The following GPC1 variants were observed in gnomAD, a reference collection of about 807,000 sequenced individuals.
GPC1 encodes glypican-1.
GPC1 carries 26 observed loss-of-function variants against 51.5 expected under a neutral mutation model. The observed-to-expected ratio is 0.50, with a 90% CI of 0.37 to 0.70. The LOEUF is 0.70. Among genes scored for constraint, GPC1 ranks in the 30% least tolerant of loss-of-function variants. The pLI is 0.00. For missense variants in GPC1, 775 were observed against 800.5 expected (o/e 0.97, Z 0.38); for synonymous variants, 380 against 348.3 (o/e 1.09, Z -1.01).
At chr2:240,465,982 A>ACGT in intron 8 of GPC1, 76 bp from the exon 9 acceptor site, 1 of 569,658 alleles carries the variant, frequency 1.8e-6, no homozygotes, top group South Asian at 2.0e-5. Flanking sequence ...GTCACCTGGC[A>ACGT]CGGGCCCTTA....
intron 2 of GPC1, 50 bp from the exon 3 acceptor site, chr2:240,462,141 G>A (rs1321924705): frequency 2.0e-6 from 3 of 1,496,804 alleles, no homozygotes; most frequent in Non-Finnish European, 2.7e-6. Context: ...TGGTCCAGCT[G>A]CCACGGCGGG....
intron 1 of GPC1, among the ~76,000 whole-genome samples, chr2:240,446,658 C>T (rs1032593043): frequency 4.6e-5 from 7 of 152,224 alleles, no homozygotes; most frequent in African/African-American, 1.7e-4. Flanking sequence ...CTCGGCCTCC[C>T]ATGCTGCCTT....
intron 8 of GPC1, 116 bp downstream of exon 8, chr2:240,465,764 C>A: frequency 1.2e-6 from 1 of 856,054 alleles, no homozygotes; most frequent in Non-Finnish European, 1.8e-6. Flanking sequence ...GGCATCACCA[C>A]AGTGAGTCTG....
chr2:240,460,932 G>A (rs538810626), intron 2 of GPC1, among the ~76,000 whole-genome samples: 351 of 152,272 alleles, frequency 2.3e-3, no homozygotes, highest in Non-Finnish European at 4.5e-3. Flanking sequence ...GCGGTAGGAG[G>A]GGAGCCTGGC....
At chr2:240,465,736 C>T (rs2074256136) in intron 8 of GPC1, 88 bp downstream of exon 8, 4 of 1,103,850 alleles carry the variant, frequency 3.6e-6, no homozygotes, top group East Asian at 5.0e-5. Flanking sequence ...TTCCCCCACC[C>T]GAGGGGCCCT....
chr2:240,456,073 G>C (rs1010751133), intron 1 of GPC1: 2 of 368,576 alleles, frequency 5.4e-6, no homozygotes, highest in South Asian at 1.9e-5. Context: ...GACGGGGGCT[G>C]TGCTGGGGCA....
At chr2:240,458,878 TC>T (rs1417360751) in intron 1 of GPC1, 151 bp from the exon 2 acceptor site, 2 of 636,450 alleles carry the variant, frequency 3.1e-6, no homozygotes, top group Non-Finnish European at 5.5e-6. Context: ...CCCGACCACT[TC>T]TGCCTTCACC....
chr2:240,454,174 C>T (rs961461621), intron 1 of GPC1, among the ~76,000 whole-genome samples: 3 of 152,158 alleles, frequency 2.0e-5, no homozygotes, highest in Non-Finnish European at 4.4e-5. Context: ...CGTGGCCGGT[C>T]CACCTCGCAG....
intron 1 of GPC1, among the ~76,000 whole-genome samples, chr2:240,441,458 A>G (rs2074016355): frequency 6.6e-6 from 1 of 152,220 alleles, no homozygotes. Flanking sequence ...CAGTTATTTC[A>G]GATCAAGACT....
rs2074243249 is a variant in GPC1, at chr2:240,464,497, G to C, written c.884-119G>C. 3 of 1,361,884 alleles carry C rather than the reference G, an allele frequency of 2.2e-6. No homozygotes were observed. The African/African-American group carries it at 4.3e-5, about 19-fold the overall frequency. 84.4% of individuals were successfully genotyped at this position (1,361,884 alleles called of 1,614,324 possible). A position where few individuals can be genotyped will look rare whatever the true frequency, so the allele number is the denominator to read the frequency against. On this transcript the variant is annotated intron_variant, in intron 4 of 8. Coordinates refer to ENST00000264039, the MANE Select transcript of GPC1 (RefSeq NM_002081.3). ...TGAGTGCACACGTGGGATCTCCCAT[G>C]CTGACCCGTGCTGTCAAGACTGCAT...
At position 240,464,986 on chromosome 2, in the gene GPC1, C is replaced by G. The variant is rs1348073440; in HGVS notation, c.1134+11C>G. Reference sequence around the variant, plus strand: ...ACGCTGGAGAAGCTGGTGAGTGGCCCCTGCGTGTCCACTGGACCAGGCATG... The same window carrying G: ...ACGCTGGAGAAGCTGGTGAGTGGCCGCTGCGTGTCCACTGGACCAGGCATG... On this transcript the variant is annotated intron_variant, in intron 6 of 8. Coordinates refer to ENST00000264039, the MANE Select transcript of GPC1 (RefSeq NM_002081.3). 2.6e-6 allele frequency: 4 copies of G among 1,559,578 alleles called. No homozygotes were observed. The highest frequency in any genetic ancestry group is 3.5e-6 in the Non-Finnish European group (4 of 1,152,240).
At chr2:240,456,102 G>C in intron 1 of GPC1, 1 of 290,892 alleles carries the variant, frequency 3.4e-6, no homozygotes, top group South Asian at 2.6e-5. Flanking sequence ...AACGCAGGTC[G>C]CCGGGCCGGC....
intron 1 of GPC1, chr2:240,457,978 A>C: frequency 2.2e-6 from 1 of 463,882 alleles, no homozygotes; most frequent in Non-Finnish European, 4.5e-6. Flanking sequence ...TGCCTGACCT[A>C]GGCCAGCACC....
chr2:240,455,468 G>A (rs1041099366), intron 1 of GPC1, among the ~76,000 whole-genome samples: 10 of 152,308 alleles, frequency 6.6e-5, no homozygotes, highest in East Asian at 1.9e-4. Context: ...CTCCCTGCAC[G>A]GGGGGAAGGG....
chr2:240,445,885 C>T (rs115064808), intron 1 of GPC1, among the ~76,000 whole-genome samples: 1,928 of 152,306 alleles, frequency 0.013, 41 homozygotes, highest in African/African-American at 0.043. Context: ...CCCGTTGCGG[C>T]TCCTGTGAAA....
At chr2:240,449,919 C>G (rs1417959032) in intron 1 of GPC1, 2 of 470,338 alleles carry the variant, frequency 4.3e-6, no homozygotes, top group Admixed American at 4.7e-5. Flanking sequence ...CCATTGTATG[C>G]ACCTACAGAC....
intron 1 of GPC1, chr2:240,451,069 C>T (rs1295772968): frequency 8.6e-6 from 4 of 465,450 alleles, no homozygotes; most frequent in African/African-American, 2.0e-5. Context: ...GATGGCTTCT[C>T]GGGAAGTGGT....
intron 5 of GPC1, 31 bp downstream of exon 5, chr2:240,464,777 G>A (rs767567511): frequency 2.0e-5 from 32 of 1,586,150 alleles, no homozygotes; most frequent in African/African-American, 1.6e-4. Flanking sequence ...CGAGCACAGC[G>A]GGGTGGGGGT....
chr2:240,452,821 C>T (rs968858495), intron 1 of GPC1: 4 of 163,324 alleles, frequency 2.4e-5, no homozygotes, highest in Admixed American at 6.6e-5. Flanking sequence ...CGCGCCAGTG[C>T]GGCTGCGGCG....
Sources: gnomAD v4.1 joint callset for allele counts (sites outside exome capture counted in the v4.1 genomes callset) on GRCh38, gnomAD v4.1.1 for gene constraint, MANE v1.5 for transcripts, NCBI Gene and HGNC (gene_info 2026-07-23, HGNC 2026-07-21) for gene names.